The following CDH12 variants were observed in gnomAD, a reference collection of about 807,000 sequenced individuals.
CDH12 encodes the protein cadherin 12.
A neutral mutation model predicts 74.1 loss-of-function variants in CDH12; 41 were observed. The observed-to-expected ratio is 0.55, with a 90% CI of 0.43 to 0.72. The LOEUF (loss-of-function observed/expected upper bound fraction) is 0.72. Among genes scored for constraint, CDH12 ranks in the 30% least tolerant of loss-of-function variants. The pLI is 0.00. For synonymous variants in CDH12, 399 were observed against 355.0 expected (o/e 1.12, Z -1.39); for missense variants, 945 against 977.2 (o/e 0.97, Z 0.44).
chr5:22,406,418 T>G (rs1393844332), intron 2 of CDH12, among the ~76,000 whole-genome samples: 1 of 152,134 alleles, frequency 6.6e-6, no homozygotes, highest in African/African-American at 2.4e-5. Flanking sequence ...GTAAACCAAT[T>G]AATTGTATTC....
chr5:22,273,592 G>A (rs1444889013), intron 3 of CDH12, among the ~76,000 whole-genome samples: 1 of 152,142 alleles, frequency 6.6e-6, no homozygotes, highest in East Asian at 1.9e-4. Flanking sequence ...TATGATTGAT[G>A]AGAACTCTCA....
At position 22,763,549 on chromosome 5, in the gene CDH12, C is replaced by T. The variant is rs75130276; in HGVS notation, c.-523+89509G>A. 2.5e-3 allele frequency among the ~76,000 whole-genome samples: 378 copies of T among 151,994 alleles called. 3 individuals carry two copies. The highest frequency in any genetic ancestry group is 8.8e-3 in the African/African-American group (364 of 41,528). On this transcript the variant is annotated intron_variant, in intron 1 of 14. Transcript: ENST00000382254. The stretch of plus-strand genomic sequence containing the variant: ...CAATGGTCTTTGCACATGAGGTTCA[C>T]GAACTATTCTAAGTATTTGAGCCTC...
chr5:22,506,788 A>G (rs1173602276), intron 1 of CDH12, among the ~76,000 whole-genome samples: 2 of 152,122 alleles, frequency 1.3e-5, no homozygotes, highest in African/African-American at 2.4e-5. Flanking sequence ...TTGTCTCTAT[A>G]TCTATCAATC....
At chr5:22,068,734 T>C (rs1045734855) in intron 5 of CDH12, among the ~76,000 whole-genome samples, 4 of 152,310 alleles carry the variant, frequency 2.6e-5, no homozygotes, top group Middle Eastern at 6.8e-3. Flanking sequence ...CAGAGGAAGA[T>C]ATTAATAATC....
chr5:22,043,475 C>T (rs181175182), intron 5 of CDH12, among the ~76,000 whole-genome samples: 3 of 151,926 alleles, frequency 2.0e-5, no homozygotes, highest in Non-Finnish European at 4.4e-5. Flanking sequence ...TATGACAAAC[C>T]CACAGCTAAC....
intron 1 of CDH12, among the ~76,000 whole-genome samples, chr5:22,779,413 T>G (rs976973856): frequency 6.6e-6 from 1 of 152,228 alleles, no homozygotes; most frequent in African/African-American, 2.4e-5. Flanking sequence ...AAAAATGCAT[T>G]TAATTGTTTT....
intron 5 of CDH12, among the ~76,000 whole-genome samples, chr5:22,005,834 C>T (rs913860680): frequency 4.6e-5 from 7 of 152,010 alleles, no homozygotes; most frequent in African/African-American, 1.7e-4. Flanking sequence ...AATTGTATAC[C>T]TAGTCAACTT....
At chr5:22,243,316 G>A (rs558306987) in intron 3 of CDH12, among the ~76,000 whole-genome samples, 1 of 152,238 alleles carries the variant, frequency 6.6e-6, no homozygotes, top group African/African-American at 2.4e-5. Flanking sequence ...TTATGTAAAT[G>A]GCGTTACCCA....
chr5:21,885,011 G>A (rs1470623025), intron 6 of CDH12, among the ~76,000 whole-genome samples: 6 of 151,902 alleles, frequency 3.9e-5, no homozygotes, highest in Admixed American at 1.3e-4. Context: ...TCAGCCTCCC[G>A]AGTTAGCTGG....
chr5:21,967,598 TGCTGATCAGTG>T (rs1356988944), intron 6 of CDH12, among the ~76,000 whole-genome samples: 1 of 152,186 alleles, frequency 6.6e-6, no homozygotes, highest in Non-Finnish European at 1.5e-5. Context: ...TAACATTTAT[TGCTGATCAGTG>T]GCTGCTAAAG....
At chr5:21,880,596 C>CCTTCT (rs1752235517) in intron 6 of CDH12, among the ~76,000 whole-genome samples, 2 of 51,412 alleles carry the variant, frequency 3.9e-5, no homozygotes, top group Admixed American at 2.7e-4. Flanking sequence ...TCCTTCCTTC[C>CCTTCT]TTCCTTCCTT....
intron 1 of CDH12, among the ~76,000 whole-genome samples, chr5:22,706,848 A>G (rs1419681875): frequency 6.6e-6 from 1 of 152,182 alleles, no homozygotes; most frequent in African/African-American, 2.4e-5. Flanking sequence ...AAATGGTCTC[A>G]TAATATCCTT....
At chr5:22,144,924 C>G (rs1334792224) in intron 4 of CDH12, among the ~76,000 whole-genome samples, 1 of 152,002 alleles carries the variant, frequency 6.6e-6, no homozygotes, top group Non-Finnish European at 1.5e-5. Context: ...AGAGTCAAAT[C>G]AGATTTCGGC....
intron 3 of CDH12, among the ~76,000 whole-genome samples, chr5:22,270,535 C>T (rs1736345717): frequency 6.7e-6 from 1 of 150,230 alleles, no homozygotes; most frequent in African/African-American, 2.5e-5. Flanking sequence ...GCAGAGGTTG[C>T]AGTGAGCTGA....
At chr5:22,233,841 T>C (rs751034945) in intron 3 of CDH12, among the ~76,000 whole-genome samples, 1 of 152,308 alleles carries the variant, frequency 6.6e-6, no homozygotes, top group Non-Finnish European at 1.5e-5. Context: ...GTTGACACTT[T>C]TATGTCCCAT....
chr5:22,542,824 C>A (rs1046218376), intron 1 of CDH12, among the ~76,000 whole-genome samples: 1 of 152,204 alleles, frequency 6.6e-6, no homozygotes, highest in African/African-American at 2.4e-5. Context: ...ATATGGAATG[C>A]ACAGATGCTT....
At chr5:22,508,222 C>G (rs2126667184) in intron 1 of CDH12, among the ~76,000 whole-genome samples, 1 of 152,236 alleles carries the variant, frequency 6.6e-6, no homozygotes, top group East Asian at 1.9e-4. Flanking sequence ...GGATTAAGCT[C>G]TGAATTTTTT....
At chr5:22,639,345 G>A (rs1282681062) in intron 1 of CDH12, among the ~76,000 whole-genome samples, 1 of 151,184 alleles carries the variant, frequency 6.6e-6, no homozygotes, top group African/African-American at 2.4e-5. Flanking sequence ...TATAAGCTAA[G>A]TCCTAGTTCC....
intron 4 of CDH12, among the ~76,000 whole-genome samples, chr5:22,184,139 G>A (rs1749800743): frequency 6.6e-6 from 1 of 151,490 alleles, no homozygotes; most frequent in Non-Finnish European, 1.5e-5. Flanking sequence ...GGTTTTTTTT[G>A]TTACTTTATT....
Sources: allele counts gnomAD v4.1 joint callset (sites outside exome capture counted in the v4.1 genomes callset), GRCh38; gene constraint gnomAD v4.1.1; transcripts MANE v1.5; gene names NCBI Gene and HGNC (gene_info 2026-07-23, HGNC 2026-07-21).